Variants in FGF13 observed in about 807,000 individuals in gnomAD.
The protein encoded by FGF13 is fibroblast growth factor homologous factor 2.
In FGF13, 2 loss-of-function variants were observed where a neutral mutation model predicts 19.5. The observed-to-expected ratio is 0.10, with a 90% CI of 0.04 to 0.32. The LOEUF (loss-of-function observed/expected upper bound fraction) is 0.32. FGF13 is among the 10% of genes least tolerant of loss of function. The pLI is 1.00. For missense variants in FGF13, 113 were observed against 192.7 expected (o/e 0.59, Z 2.45); for synonymous variants, 72 against 76.9 (o/e 0.94, Z 0.33).
intron 3 of FGF13, among the ~76,000 whole-genome samples, chrX:138,668,036 A>G (rs1465183290): frequency 2.7e-5 from 3 of 111,644 alleles, no homozygotes; most frequent in Non-Finnish European, 5.7e-5. Flanking sequence ...TAGGATTTCC[A>G]TAGTCTTCCA....
chrX:138,978,266 G>GTTTTTTTTTTTTTTTTTTTTTTTTTTTT (rs10666140), intron 1 of FGF13, among the ~76,000 whole-genome samples: 14 of 82,891 alleles, frequency 1.7e-4, no homozygotes, highest in East Asian at 8.3e-4. Flanking sequence ...AGCTGCCCTG[G>GTTTTTTTTTTTTTTTTTTTTTTTTTTTT]TTTTTTTTTT....
chrX:138,681,976 T>C (rs969587079), intron 3 of FGF13, among the ~76,000 whole-genome samples: 5 of 111,933 alleles, frequency 4.5e-5, no homozygotes, highest in Non-Finnish European at 9.4e-5. Context: ...ACAACAATAA[T>C]GAAAAAATGT....
chrX:138,771,191 T>C (rs2090542970), intron 3 of FGF13, among the ~76,000 whole-genome samples: 1 of 111,942 alleles, frequency 8.9e-6, no homozygotes, highest in South Asian at 3.8e-4. Context: ...TAAATTATTA[T>C]GTAAGTTGGT....
chrX:139,109,889 C>T (rs775519628), intron 1 of FGF13, among the ~76,000 whole-genome samples: 11 of 111,532 alleles, frequency 9.9e-5, no homozygotes, highest in Non-Finnish European at 1.5e-4. Flanking sequence ...GACCCAGCCT[C>T]GAAGAGGAAA....
At position 138,642,988 on chromosome X, in the gene FGF13, C is replaced by T. The variant is rs1205820143; in HGVS notation, c.403-7333G>A. Among the ~76,000 whole-genome samples the T allele has an allele frequency of 5.3e-5, 6 of 112,353 alleles. No homozygotes were observed. In the Admixed American group the frequency reaches 5.6e-4, roughly 11 times the overall value. ...TCATATGGTTACACTGAATTCTTTACCAAGACTTTCTATATTCCTAGATAT... is the reference window on the plus strand; with the variant it reads ...TCATATGGTTACACTGAATTCTTTATCAAGACTTTCTATATTCCTAGATAT... On this transcript the variant is annotated intron_variant, in intron 3 of 4. Transcript: ENST00000315930.
At chrX:138,705,336 C>T (rs1386860521) in intron 2 of FGF13, among the ~76,000 whole-genome samples, 2 of 111,055 alleles carry the variant, frequency 1.8e-5, no homozygotes, top group Admixed American at 9.7e-5. Context: ...TGATTTTCAC[C>T]GTGTTCTCCA....
chrX:139,183,654 T>C (rs1255485395), intron 1 of FGF13, among the ~76,000 whole-genome samples: 1 of 111,962 alleles, frequency 8.9e-6, no homozygotes, highest in Non-Finnish European at 1.9e-5. Flanking sequence ...CCCGAGGCCT[T>C]GCCAGCAGCA....
At chrX:138,633,119 AT>A in intron 4 of FGF13, 133 bp from the exon 5 acceptor site, 1 of 575,722 alleles carries the variant, frequency 1.7e-6, no homozygotes, top group Non-Finnish European at 2.5e-6. Context: ...GCATATGTTA[AT>A]TAGCTTGATT....
intron 3 of FGF13, among the ~76,000 whole-genome samples, chrX:138,700,009 T>C (rs1436053488): frequency 1.8e-5 from 2 of 110,750 alleles, no homozygotes; most frequent in African/African-American, 6.6e-5. Context: ...CTGACTTCTG[T>C]GAAGGTTTTT....
rs138541993 is a variant in FGF13 at position 139,057,639 on chromosome X, T to A, written c.-113+145777A>T. Among the ~76,000 whole-genome samples the A allele has an allele frequency of 6.5e-3, 725 of 112,107 alleles. 9 individuals are homozygous for A. The highest frequency in any genetic ancestry group is 0.022 in the African/African-American group (678 of 30,905). On this transcript the variant is annotated intron_variant, in intron 1 of 2. Coordinates refer to the FGF13 transcript ENST00000421460. The stretch of plus-strand genomic sequence containing the variant: ...CCACAAAGTAGAAAAAGCTGAAATC[T>A]CCATCAACTGATGAATGGGTACAAA...
intron 1 of FGF13, among the ~76,000 whole-genome samples, chrX:138,977,366 G>A (rs2091943727): frequency 8.9e-6 from 1 of 112,175 alleles, no homozygotes; most frequent in African/African-American, 3.2e-5. Context: ...TAAATAGTGG[G>A]AGCTTTTGCC....
rs1016389783 is a variant in FGF13 at position 138,643,915 on chromosome X, A to G, written c.403-8260T>C. 4.5e-5 allele frequency among the ~76,000 whole-genome samples: 5 copies of G among 111,785 alleles called. No homozygotes were observed. The East Asian group carries it at 8.5e-4, about 19-fold the overall frequency. Reference sequence around the variant, plus strand: ...GTCTTTTAGCCATTCTCTGTAATTAATTTGTGCCTATTGGATACATAGTCT... The same window carrying G: ...GTCTTTTAGCCATTCTCTGTAATTAGTTTGTGCCTATTGGATACATAGTCT... On this transcript the variant is annotated intron_variant, in intron 3 of 4. Coordinates refer to ENST00000315930, the MANE Select transcript of FGF13 (RefSeq NM_004114.5).
chrX:139,011,558 C>T (rs1243341965), intron 1 of FGF13, among the ~76,000 whole-genome samples: 1 of 111,352 alleles, frequency 9.0e-6, no homozygotes, highest in Admixed American at 9.6e-5. Context: ...AGATGTTACA[C>T]ACCACATAAA....
rs746159995 is a variant in FGF13, at chrX:139,048,943, TG to T, written c.-113+154472del. On this transcript the variant is annotated intron_variant, in intron 1 of 2. Transcript: ENST00000421460. ...CTAACGAGTACTTCTAAAACAGTGT[TG>T]AATAGTAGTAACAATGGGGAAATCC... is the stretch of plus-strand genomic sequence containing the variant. Among the ~76,000 whole-genome samples, 8 of 111,765 alleles carry T rather than the reference TG, an allele frequency of 7.2e-5. No individual in the cohort carries two copies. In the East Asian group the frequency reaches 2.2e-3, roughly 31 times the overall value.
chrX:138,863,091 T>G (rs759931804), intron 2 of FGF13, among the ~76,000 whole-genome samples: 3 of 111,246 alleles, frequency 2.7e-5, no homozygotes, highest in African/African-American at 9.8e-5. Flanking sequence ...GGCCCCTTTA[T>G]GTCCTTCAGG....
chrX:138,819,406 C>T (rs2090983739), intron 3 of FGF13, among the ~76,000 whole-genome samples: 1 of 111,225 alleles, frequency 9.0e-6, no homozygotes, highest in African/African-American at 3.3e-5. Context: ...ATAATGAATG[C>T]TTCTAGCTAC....
intron 1 of FGF13, among the ~76,000 whole-genome samples, chrX:139,088,194 T>G (rs1005000324): frequency 3.6e-5 from 4 of 112,208 alleles, no homozygotes; most frequent in African/African-American, 1.3e-4. Context: ...ATGATCTGAT[T>G]TGAATCTGTA....
chrX:139,011,728 A>G (rs1052020190), intron 1 of FGF13, among the ~76,000 whole-genome samples: 11 of 111,987 alleles, frequency 9.8e-5, no homozygotes, highest in African/African-American at 2.6e-4. Context: ...CACAGCCAAC[A>G]TTATACCGAA....
intron 3 of FGF13, among the ~76,000 whole-genome samples, chrX:138,647,219 G>GAAAAAAAAAA (rs10543925): frequency 1.7e-5 from 1 of 59,118 alleles, no homozygotes; most frequent in Non-Finnish European, 3.3e-5. Context: ...CATCTCTGGG[G>GAAAAAAAAAA]AAAAAAAAAA....
Sources: gnomAD v4.1 joint callset for allele counts (sites outside exome capture counted in the v4.1 genomes callset) on GRCh38, gnomAD v4.1.1 for gene constraint, MANE v1.5 for transcripts, NCBI Gene and HGNC (gene_info 2026-07-23, HGNC 2026-07-21) for gene names.